The following SLC22A23 variants were observed in gnomAD, a reference collection of about 807,000 sequenced individuals.
The protein encoded by SLC22A23 is ion transporter protein.
Under a neutral mutation model 61.0 loss-of-function variants are expected in SLC22A23, and 26 were observed. The observed-to-expected ratio is 0.43, with a 90% CI of 0.31 to 0.59. The LOEUF is 0.59. Ranked by LOEUF, SLC22A23 falls within the 20% of genes least tolerant of loss-of-function variation. The pLI, the probability that SLC22A23 is intolerant of heterozygous loss-of-function variation, is 0.11. For missense variants in SLC22A23, 796 were observed against 934.7 expected, an observed-to-expected ratio of 0.85 and a Z score of 1.94; for synonymous variants, 430 against 413.9, an observed-to-expected ratio of 1.04 and a Z score of -0.47.
chr6:3,452,989 T>G (rs1435729861), intron 1 of SLC22A23, among the ~76,000 whole-genome samples: 2 of 152,168 alleles, frequency 1.3e-5, no homozygotes, highest in East Asian at 3.8e-4. Context: ...GAAGCAGAAG[T>G]ATGTCATGTC....
intron 1 of SLC22A23, among the ~76,000 whole-genome samples, chr6:3,430,110 T>C (rs965488888): frequency 5.3e-5 from 8 of 152,248 alleles, no homozygotes; most frequent in Non-Finnish European, 1.0e-4. Context: ...GGAAATGGGC[T>C]AGCCAGTATC....
chr6:3,356,567 G>C (rs143472073), intron 3 of SLC22A23, among the ~76,000 whole-genome samples: 60 of 152,250 alleles, frequency 3.9e-4, no homozygotes, highest in African/African-American at 1.4e-3. Context: ...TTCAGCCCCA[G>C]AGACAGTAGT....
At chr6:3,396,178 G>C (rs1286372188) in intron 3 of SLC22A23, among the ~76,000 whole-genome samples, 1 of 152,182 alleles carries the variant, frequency 6.6e-6, no homozygotes, top group Non-Finnish European at 1.5e-5. Flanking sequence ...AGGAGGGCAT[G>C]GTCCCTGGCT....
At chr6:3,362,426 AAAT>A (rs1765530995) in intron 3 of SLC22A23, among the ~76,000 whole-genome samples, 3 of 138,028 alleles carry the variant, frequency 2.2e-5, no homozygotes, top group African/African-American at 2.8e-5. Context: ...ATAAAATAAA[AAAT>A]AAAAAATAAA....
chr6:3,455,517 C>T (rs1179664191), intron 1 of SLC22A23, among the ~76,000 whole-genome samples: 1 of 152,204 alleles, frequency 6.6e-6, no homozygotes, highest in Non-Finnish European at 1.5e-5. Context: ...AAGACTATTG[C>T]TTTGTGGGAG....
intron 4 of SLC22A23, among the ~76,000 whole-genome samples, chr6:3,299,803 C>T (rs1468406275): frequency 2.0e-5 from 3 of 148,626 alleles, no homozygotes; most frequent in East Asian, 3.9e-4. Flanking sequence ...AAACAGGCAG[C>T]TGACCCTTGA....
At chr6:3,353,884 C>G (rs895823856) in intron 3 of SLC22A23, among the ~76,000 whole-genome samples, 2 of 152,200 alleles carry the variant, frequency 1.3e-5, no homozygotes, top group African/African-American at 4.8e-5. Context: ...ATGACAGCAT[C>G]GAGGAAGCCT....
Position 3,327,373 on chromosome 6 carries a change from A to G in SLC22A23, c.914-3371T>C, listed in dbSNP as rs965577609. ...TTCTTTGCCAATGGAACCAAACCCA[A>G]ATCCTTTTAGTAGATTTTCATTCAT... On this transcript the variant is annotated intron_variant, in intron 3 of 9. Transcript: ENST00000406686. This position sits in a 1 kb window ranked among gnomAD's most constrained non-coding sequence, Gnocchi z 4.1. 2.0e-5 allele frequency among the ~76,000 whole-genome samples: 3 copies of G among 152,206 alleles called. No homozygotes were observed. Among genetic ancestry groups the G allele is most frequent in the Non-Finnish European group, 4.4e-5 (3 of 68,032 alleles).
At chr6:3,447,218 T>C (rs1771938968) in intron 1 of SLC22A23, among the ~76,000 whole-genome samples, 1 of 152,216 alleles carries the variant, frequency 6.6e-6, no homozygotes, top group African/African-American at 2.4e-5. Flanking sequence ...CCTTTGCAAG[T>C]GCCATTTGCT....
rs1451646347 is a variant in SLC22A23, at chr6:3,269,776, C to T, written c.*3279G>A. The T allele has an allele frequency of 6.5e-6, 1 of 152,858 alleles. No homozygotes were observed. Among genetic ancestry groups the T allele is most frequent in the Non-Finnish European group, 1.5e-5 (1 of 68,070 alleles). The allele number at this position is 152,858 out of a possible 1,614,324, so 9.5% of individuals were successfully genotyped here. On this transcript the variant is annotated 3_prime_UTR_variant, in exon 10 of 10. Transcript: ENST00000406686. ...GAGAGGACAGCTGTAGTGTGGACCT[C>T]CCCCGCACATGCGATACCTCGGGCC...
intron 3 of SLC22A23, among the ~76,000 whole-genome samples, chr6:3,385,682 C>G (rs1474056242): frequency 2.6e-5 from 4 of 152,200 alleles, no homozygotes; most frequent in Non-Finnish European, 5.9e-5. Context: ...TCTGAGTTCC[C>G]TTACAAGTCT....
At chr6:3,337,976 AC>A in intron 3 of SLC22A23, among the ~76,000 whole-genome samples, 1 of 152,240 alleles carries the variant, frequency 6.6e-6, no homozygotes, top group East Asian at 1.9e-4. Context: ...TGAAGTTGTC[AC>A]CCCCAGACTC....
intron 6 of SLC22A23, among the ~76,000 whole-genome samples, chr6:3,289,114 C>G (rs1353382192): frequency 6.6e-6 from 1 of 152,266 alleles, no homozygotes; most frequent in Non-Finnish European, 1.5e-5. Context: ...TGACCCTGAA[C>G]AAGGGACCAC....
At chr6:3,287,227 C>A (rs973919504) in intron 6 of SLC22A23, 136 bp from the exon 7 acceptor site, 17 of 747,832 alleles carry the variant, frequency 2.3e-5, no homozygotes, top group Admixed American at 5.0e-5. Flanking sequence ...CCCATCATGA[C>A]CGAACCACGA....
rs1432850840 is a variant in SLC22A23 at position 3,342,309 on chromosome 6, C to A, written c.914-18307G>T. Among the ~76,000 whole-genome samples the A allele has an allele frequency of 6.6e-6, 1 of 152,154 alleles. No individual in the cohort carries two copies. The highest frequency in any genetic ancestry group is 2.4e-5 in the African/African-American group (1 of 41,442). On this transcript the variant is annotated intron_variant, in intron 3 of 9. Transcript: ENST00000406686. This position sits in a 1 kb window ranked among gnomAD's most constrained non-coding sequence, Gnocchi z 4.0. ...TTTCAAAAAGTCATTGGGTGGCCAA[C>A]AAATTGAGATAAAACAAAATTTAAA... is the stretch of plus-strand genomic sequence containing the variant.
At chr6:3,446,792 G>A (rs572596009) in intron 1 of SLC22A23, among the ~76,000 whole-genome samples, 47 of 152,150 alleles carry the variant, frequency 3.1e-4, no homozygotes, top group Non-Finnish European at 3.7e-4. Context: ...TCCATCGTAC[G>A]TGCGGTGTTT....
chr6:3,435,514 A>C (rs1006493872), intron 1 of SLC22A23, among the ~76,000 whole-genome samples: 1 of 151,972 alleles, frequency 6.6e-6, no homozygotes, highest in East Asian at 1.9e-4. Context: ...CACCACCTGG[A>C]TTGTGAACAC....
At chr6:3,349,730 G>C (rs1298099162) in intron 3 of SLC22A23, among the ~76,000 whole-genome samples, 1 of 152,236 alleles carries the variant, frequency 6.6e-6, no homozygotes, top group African/African-American at 2.4e-5. Flanking sequence ...GAAGAGCAGA[G>C]TGGAGAAGAT....
At chr6:3,283,639 C>T in intron 9 of SLC22A23, 1 of 603,196 alleles carries the variant, frequency 1.7e-6, no homozygotes, top group Non-Finnish European at 2.8e-6. Context: ...CCTCCTGCTG[C>T]TGCCTGGACA....
Sources: allele counts gnomAD v4.1 joint callset (sites outside exome capture counted in the v4.1 genomes callset), GRCh38; gene constraint gnomAD v4.1.1; non-coding constraint Gnocchi (gnomAD v3.1); transcripts MANE v1.5; gene names NCBI Gene and HGNC (gene_info 2026-07-23, HGNC 2026-07-21).